Variants in DRG1 observed in about 807,000 individuals in gnomAD.
DRG1 encodes developmentally regulated GTP binding protein 1.
In DRG1, 19 loss-of-function variants were observed where a neutral mutation model predicts 38.8. The ratio of observed to expected loss-of-function variants is 0.49; its 90% CI spans 0.34 to 0.72. The LOEUF is 0.72. Ranked by LOEUF, DRG1 falls within the 30% of genes least tolerant of loss-of-function variation. The pLI is 0.01. For missense variants in DRG1, 299 were observed against 444.8 expected (o/e 0.67, Z 2.95); for synonymous variants, 167 against 157.5 (o/e 1.06, Z -0.45).
chr22:31,418,164 C>T (rs894574394), intron 4 of DRG1, among the ~76,000 whole-genome samples: 1 of 150,430 alleles, frequency 6.6e-6, no homozygotes, highest in Non-Finnish European at 1.5e-5. Context: ...GGGTCAGGGT[C>T]AGGTGCAATG....
chr22:31,419,538 G>A, intron 4 of DRG1, among the ~76,000 whole-genome samples: 1 of 151,876 alleles, frequency 6.6e-6, no homozygotes, highest in East Asian at 1.9e-4. Flanking sequence ...TCTAAAACGT[G>A]CAAACTATGG....
At chr22:31,402,293 G>GA (rs899361184) in intron 2 of DRG1, among the ~76,000 whole-genome samples, 1 of 150,652 alleles carries the variant, frequency 6.6e-6, no homozygotes, top group Non-Finnish European at 1.5e-5. Flanking sequence ...ATTGTAAAAA[G>GA]AAAAAAGAAA....
intron 6 of DRG1, among the ~76,000 whole-genome samples, chr22:31,424,024 C>G (rs1778588666): frequency 6.6e-6 from 1 of 151,828 alleles, no homozygotes; most frequent in South Asian, 2.1e-4. Flanking sequence ...GCCGCCACGC[C>G]TGGCTAATTT....
At position 31,428,272 on chromosome 22, in the gene DRG1, C is replaced by T. The variant is rs545755389; in HGVS notation, c.1004+1090C>T. On this transcript the variant is annotated intron_variant, in intron 8 of 8. Coordinates refer to ENST00000331457, the MANE Select transcript of DRG1 (RefSeq NM_004147.4). Reference sequence around the variant, plus strand: ...TGTCGCCCAGGCTGGAGTGCAGTGGCGCAATCTTGGCTCACTGCAAGCTCT... The same window carrying T: ...TGTCGCCCAGGCTGGAGTGCAGTGGTGCAATCTTGGCTCACTGCAAGCTCT... Among the ~76,000 whole-genome samples the T allele has an allele frequency of 1.7e-4, 26 of 151,596 alleles. 1 individual carries two copies. The South Asian group carries it at 4.2e-3, about 24-fold the overall frequency.
intron 8 of DRG1, among the ~76,000 whole-genome samples, chr22:31,431,210 A>AT (rs532179623): frequency 6.6e-6 from 1 of 150,848 alleles, no homozygotes; most frequent in African/African-American, 2.4e-5. Flanking sequence ...AATTTTTTGT[A>AT]TTTTTAGTAG....
chr22:31,424,274 C>G (rs1272067559), intron 6 of DRG1, among the ~76,000 whole-genome samples: 1 of 151,920 alleles, frequency 6.6e-6, no homozygotes, highest in Non-Finnish European at 1.5e-5. Context: ...GCCTCAGCCT[C>G]CCAAGTAGCT....
At chr22:31,419,195 T>TGG (rs2050061748) in intron 4 of DRG1, among the ~76,000 whole-genome samples, 1 of 152,006 alleles carries the variant, frequency 6.6e-6, no homozygotes, top group African/African-American at 2.4e-5. Flanking sequence ...CTCGGCAGTT[T>TGG]GGGAGACCAA....
chr22:31,418,475 T>A (rs1391310269), intron 4 of DRG1, among the ~76,000 whole-genome samples: 5 of 151,756 alleles, frequency 3.3e-5, no homozygotes, highest in Admixed American at 1.3e-4. Flanking sequence ...AAGAGAATTT[T>A]AAAAAATGAG....
intron 4 of DRG1, among the ~76,000 whole-genome samples, chr22:31,416,919 G>T (rs1278079140): frequency 2.7e-5 from 4 of 145,836 alleles, no homozygotes; most frequent in Admixed American, 6.8e-5. Flanking sequence ...AAAAAAAATA[G>T]CTGGATGTGG....
At position 31,427,202 on chromosome 22, in the gene DRG1, G is replaced by A; in HGVS notation, c.1004+20G>A. The stretch of plus-strand genomic sequence containing the variant: ...TAAATAGTAAGTATCATGGGCCTGT[G>A]GTCCCTCCTTTTTCCTATGAGTTAC... On this transcript the variant is annotated intron_variant, in intron 8 of 8. Coordinates refer to ENST00000331457, the MANE Select transcript of DRG1 (RefSeq NM_004147.4). The A allele has an allele frequency of 6.2e-7, 1 of 1,611,704 alleles. No individual in the cohort carries two copies. Among genetic ancestry groups the A allele is most frequent in the East Asian group, 2.2e-5 (1 of 44,820 alleles).
At chr22:31,412,516 A>G (rs1479562152) in intron 4 of DRG1, among the ~76,000 whole-genome samples, 2 of 150,360 alleles carry the variant, frequency 1.3e-5, no homozygotes, top group South Asian at 4.2e-4. Flanking sequence ...ATGCACGGCT[A>G]TTTTTTGTAT....
intron 3 of DRG1, 88 bp downstream of exon 3, chr22:31,403,292 T>C: frequency 7.4e-7 from 1 of 1,352,912 alleles, no homozygotes; most frequent in Non-Finnish European, 1.0e-6. Flanking sequence ...ATGCCAGGCC[T>C]GATCTTTGAT....
At chr22:31,428,459 C>T (rs548160713) in intron 8 of DRG1, among the ~76,000 whole-genome samples, 36 of 151,326 alleles carry the variant, frequency 2.4e-4, no homozygotes, top group Non-Finnish European at 4.0e-4. Flanking sequence ...GTGATCTGCC[C>T]GCCTCGGCCT....
chr22:31,408,225 G>A (rs1275563432), intron 3 of DRG1, among the ~76,000 whole-genome samples: 1 of 112,632 alleles, frequency 8.9e-6, no homozygotes, highest in Non-Finnish European at 1.7e-5. Context: ...TGCAACCTCT[G>A]CCTCCTGGGT....
rs757553917 is a variant in DRG1 at position 31,423,408 on chromosome 22, C to T, written c.711C>T (p.Asn237=). Residue 237 remains asparagine (N), a splice_region_variant and synonymous_variant, in exon 6 of 9, where the codon AAC becomes AAT. Transcript: ENST00000331457. ...ACCTCATTGATGTGGTGGAAGGAAA[C>T]AGGTACTGACTGAGTGTGCAGTCTG... is the stretch of plus-strand genomic sequence containing the variant. ...ADDLIDVVEG[N]RVYIPCIYVL... is the part of the protein sequence containing the mutation. The T allele has an allele frequency of 3.1e-6, 5 of 1,613,572 alleles. No individual in the cohort carries two copies. The highest frequency in any genetic ancestry group is 4.2e-6 in the Non-Finnish European group (5 of 1,179,788).
At chr22:31,400,781 A>G (rs759595788) in intron 2 of DRG1, 38 bp downstream of exon 2, 7 of 1,586,344 alleles carry the variant, frequency 4.4e-6, no homozygotes, top group Non-Finnish European at 6.0e-6. Flanking sequence ...TTTTAGGTAT[A>G]ATTTTTGTCA....
At chr22:31,433,588 A>G (rs1055922395) in intron 8 of DRG1, among the ~76,000 whole-genome samples, 1 of 152,144 alleles carries the variant, frequency 6.6e-6, no homozygotes, top group African/African-American at 2.4e-5. Flanking sequence ...TTTCTCTATA[A>G]CAAATCCATG....
chr22:31,400,539 C>T lies in DRG1; in HGVS notation c.43-81C>T, dbSNP rs186154206. 285 of 1,568,458 alleles carry T rather than the reference C, an allele frequency of 1.8e-4. 3 individuals carry two copies. In the East Asian group the frequency reaches 5.9e-3, roughly 33 times the overall value. ...ACTGGGTGTGCTAACATTAGTAGGA[C>T]TTGGGGAAAAAAATTATCCTCTCAA... On this transcript the variant is annotated intron_variant, in intron 1 of 8. Coordinates refer to ENST00000331457, the MANE Select transcript of DRG1 (RefSeq NM_004147.4).
Position 31,399,721 on chromosome 22 carries a change from C to G in DRG1, c.38C>G (p.Ala13Gly), listed in dbSNP as rs756203478. The change falls in exon 1 of 9, where the codon GCA becomes GGA. Residue 13 changes from alanine (A) to glycine (G), a missense_variant. Physicochemically the swap from Ala to Gly is moderately conservative, Grantham distance 60 (BLOSUM62 0). This residue lies in a region of DRG1 where 51 missense variants were observed against 56.1 expected (regional missense o/e 0.91). Transcript: ENST00000331457. Reference sequence around the variant, plus strand: ...TTAGCTAAGATCGCGGAGATAGAAGCAGAGGTAATGGACGCAGCTGGCGGT... The same window carrying G: ...TTAGCTAAGATCGCGGAGATAGAAGGAGAGGTAATGGACGCAGCTGGCGGT... ...STLAKIAEIE[A>G]EMARTQKNKA... The G allele has an allele frequency of 2.5e-6, 4 of 1,613,988 alleles. No homozygotes were observed. The highest frequency in any genetic ancestry group is 1.7e-5 in the Admixed American group (1 of 60,008).
Sources: allele counts gnomAD v4.1 joint callset (sites outside exome capture counted in the v4.1 genomes callset), GRCh38; gene constraint gnomAD v4.1.1; regional missense constraint gnomAD v4.1.1; transcripts MANE v1.5; gene names NCBI Gene and HGNC (gene_info 2026-07-23, HGNC 2026-07-21).